The following SHISA9 variants were observed in gnomAD, a reference collection of about 807,000 sequenced individuals.
The protein encoded by SHISA9 is shisa family member 9.
A neutral mutation model predicts 38.0 loss-of-function variants in SHISA9; 13 were observed. That is an observed-to-expected ratio of 0.34 (90% confidence interval 0.22 to 0.54). SHISA9 has a LOEUF of 0.54. Ranked by LOEUF, SHISA9 falls within the 20% of genes least tolerant of loss-of-function variation. SHISA9 has a pLI of 0.91. For synonymous variants in SHISA9, 275 were observed against 242.0 expected, an observed-to-expected ratio of 1.14 and a Z score of -1.27; for missense variants, 538 against 575.8, an observed-to-expected ratio of 0.93 and a Z score of 0.67.
chr16:13,321,868 T>C, the SHISA9 span, among the ~76,000 whole-genome samples: 1 of 152,222 alleles, frequency 6.6e-6, no homozygotes, highest in African/African-American at 2.4e-5. Flanking sequence ...CCTTTTGGAA[T>C]TCACTAACTG....
intron 1 of SHISA9, chr16:12,908,726 A>C: frequency 1.4e-6 from 2 of 1,457,068 alleles, no homozygotes; most frequent in Non-Finnish European, 1.8e-6. Context: ...CTACCGTAAG[A>C]TGAAGTCTAG....
intron 2 of SHISA9, among the ~76,000 whole-genome samples, chr16:13,145,102 G>A (rs1364400398): frequency 4.6e-5 from 7 of 152,180 alleles, no homozygotes; most frequent in Non-Finnish European, 8.8e-5. Flanking sequence ...CAGGTGGCTT[G>A]CAGACCCTAT....
At chr16:12,928,308 G>A (rs1192239915) in intron 2 of SHISA9, among the ~76,000 whole-genome samples, 1 of 91,872 alleles carries the variant, frequency 1.1e-5, no homozygotes, top group East Asian at 4.2e-4. Flanking sequence ...GGGGTGCAGA[G>A]GTTGGTTGTG....
intron 2 of SHISA9, among the ~76,000 whole-genome samples, chr16:12,919,095 A>C (rs1192567040): frequency 3.3e-5 from 5 of 152,216 alleles, no homozygotes; most frequent in Non-Finnish European, 7.3e-5. Context: ...TGAGGAGTGC[A>C]TTGAGAGAAT....
At chr16:13,081,343 G>A (rs35401836) in intron 2 of SHISA9, among the ~76,000 whole-genome samples, 2,658 of 152,276 alleles carry the variant, frequency 0.017, 31 homozygotes, top group Non-Finnish European at 0.025. Flanking sequence ...TGATGAGATG[G>A]CAAAGACAAC....
At chr16:12,934,248 T>A (rs186763956) in intron 2 of SHISA9, among the ~76,000 whole-genome samples, 1 of 152,366 alleles carries the variant, frequency 6.6e-6, no homozygotes, top group African/African-American at 2.4e-5. Flanking sequence ...CTGGAGCAAC[T>A]GCTATGCGCT....
chr16:13,354,499 A>G, the SHISA9 span, among the ~76,000 whole-genome samples: 37 of 151,358 alleles, frequency 2.4e-4, no homozygotes, highest in South Asian at 2.3e-3. Flanking sequence ...CTCAACAAAG[A>G]GTGAGTACAG....
intron 2 of SHISA9, among the ~76,000 whole-genome samples, chr16:12,990,270 A>T (rs1454381107): frequency 6.6e-6 from 1 of 152,144 alleles, no homozygotes; most frequent in Non-Finnish European, 1.5e-5. Context: ...TTATAATCAA[A>T]TGACTTATAT....
chr16:13,053,049 C>T (rs144613206), intron 2 of SHISA9, among the ~76,000 whole-genome samples: 1,886 of 149,538 alleles, frequency 0.013, 21 homozygotes, highest in South Asian at 0.067. Flanking sequence ...TTGCAACCTC[C>T]GCCTGCCAGG....
At chr16:13,165,726 A>G (rs1004207322) in intron 2 of SHISA9, among the ~76,000 whole-genome samples, 1 of 152,200 alleles carries the variant, frequency 6.6e-6, no homozygotes, top group Non-Finnish European at 1.5e-5. Context: ...CAGGTTAGAC[A>G]CAGTATCACG....
At chr16:13,090,460 G>A (rs2073762437) in intron 2 of SHISA9, among the ~76,000 whole-genome samples, 1 of 152,112 alleles carries the variant, frequency 6.6e-6, no homozygotes, top group Admixed American at 6.5e-5. Flanking sequence ...GGTCTCTAAG[G>A]ACTTGCTTTA....
At chr16:13,245,637 G>C in the SHISA9 span, among the ~76,000 whole-genome samples, 1 of 152,150 alleles carries the variant, frequency 6.6e-6, no homozygotes, top group Non-Finnish European at 1.5e-5. Flanking sequence ...GGCTCAAAGA[G>C]GTAAAAATTG....
chr16:13,336,498 A>T, the SHISA9 span, among the ~76,000 whole-genome samples: 64 of 152,336 alleles, frequency 4.2e-4, no homozygotes, highest in African/African-American at 1.5e-3. Context: ...CCAGAAAGGA[A>T]TTTCCCTTGT....
chr16:13,425,071 G>A, the SHISA9 span, among the ~76,000 whole-genome samples: 2 of 152,184 alleles, frequency 1.3e-5, no homozygotes, highest in African/African-American at 4.8e-5. Context: ...TGCAGCTGGA[G>A]GCCATTATCC....
At position 13,085,557 on chromosome 16, in the gene SHISA9, A is replaced by G. The variant is rs188331545; in HGVS notation, c.692-117837A>G. On this transcript the variant is annotated intron_variant, in intron 2 of 4. Transcript: ENST00000558583. Reference sequence around the variant, plus strand: ...CTCTGTTGACATATCCAAAGAAGCTATAAGGAAGGTTGTCGCCTGCCCAGG... The same window carrying G: ...CTCTGTTGACATATCCAAAGAAGCTGTAAGGAAGGTTGTCGCCTGCCCAGG... Among the ~76,000 whole-genome samples the G allele has an allele frequency of 2.8e-3, 420 of 152,338 alleles. 3 individuals carry two copies. Among genetic ancestry groups the G allele is most frequent in the African/African-American group, 9.8e-3 (409 of 41,580 alleles).
chr16:13,135,268 A>G lies in SHISA9; in HGVS notation c.692-68126A>G, dbSNP rs570717744. 2.6e-5 allele frequency among the ~76,000 whole-genome samples: 4 copies of G among 152,332 alleles called. No individual in the cohort carries two copies. The East Asian group carries it at 7.7e-4, about 29-fold the overall frequency. On this transcript the variant is annotated intron_variant, in intron 2 of 4. Transcript: ENST00000558583. ...TGTCACACATTGTAAAGCTCTATTC[A>G]AATACCAATAGTTATCACTAGTTTT...
chr16:13,539,468 T>C, the SHISA9 span, among the ~76,000 whole-genome samples: 1 of 151,072 alleles, frequency 6.6e-6, no homozygotes, highest in African/African-American at 2.4e-5. Context: ...TCAACCACTA[T>C]GCTTGGCCCT....
At chr16:13,274,082 A>G in the SHISA9 span, among the ~76,000 whole-genome samples, 15,101 of 152,212 alleles carry the variant, frequency 0.099, 766 homozygotes, top group South Asian at 0.18. Flanking sequence ...ATATTTGTCT[A>G]GACAAGTATC....
At chr16:13,139,601 T>C (rs2050381944) in intron 2 of SHISA9, among the ~76,000 whole-genome samples, 1 of 151,942 alleles carries the variant, frequency 6.6e-6, no homozygotes, top group Non-Finnish European at 1.5e-5. Context: ...GTTGCCCTAG[T>C]TGAAGTGTGC....
Sources: allele counts gnomAD v4.1 joint callset (sites outside exome capture counted in the v4.1 genomes callset), GRCh38; gene constraint gnomAD v4.1.1; transcripts MANE v1.5; gene names NCBI Gene and HGNC (gene_info 2026-07-23, HGNC 2026-07-21).